The following NLGN4X variants were observed in gnomAD, a reference collection of about 807,000 sequenced individuals.
The protein encoded by NLGN4X is neuroligin 4 X-linked, also known as neuroligin-4, X-linked.
Under a neutral mutation model 40.3 loss-of-function variants are expected in NLGN4X, and 3 were observed. The observed-to-expected ratio is 0.07, with a 90% CI of 0.03 to 0.19. The LOEUF is 0.19. NLGN4X is among the 10% of genes least tolerant of loss of function. The pLI is 1.00. For missense variants in NLGN4X, 382 were observed against 708.3 expected (o/e 0.54, Z 5.23); for synonymous variants, 270 against 306.8 (o/e 0.88, Z 1.25).
rs751178982 is a variant in NLGN4X at position 5,892,779 on chromosome X, G to A, written c.*38C>T. The A allele has an allele frequency of 1.0e-5, 12 of 1,200,439 alleles. No homozygotes were observed. Among genetic ancestry groups the A allele is most frequent in the African/African-American group, 8.8e-5 (5 of 56,636 alleles). ...CCTTCCCTCTTCTATGTTGCTGAGC[G>A]GGTAGGGCAGAGGGATAGGAAGGGA... On this transcript the variant is annotated 3_prime_UTR_variant, in exon 6 of 6. Coordinates refer to ENST00000381095, the MANE Select transcript of NLGN4X (RefSeq NM_181332.3).
chrX:5,890,606 G>C lies in NLGN4X; in HGVS notation c.*2211C>G. ...CAGAGAGCCTATTTGTGGTTGCTCA[G>C]GTGGGGTCATACATTGCTTGCAGAA... On this transcript the variant is annotated 3_prime_UTR_variant, in exon 6 of 6. Coordinates refer to ENST00000381095, the MANE Select transcript of NLGN4X (RefSeq NM_181332.3). 1 of 328,170 alleles carries C rather than the reference G, an allele frequency of 3.0e-6. No homozygotes were observed. Among genetic ancestry groups the C allele is most frequent in the South Asian group, 2.6e-5 (1 of 38,146 alleles). 27.0% of individuals were successfully genotyped at this position (328,170 alleles called of 1,213,427 possible). A position where few individuals can be genotyped will look rare whatever the true frequency, so the allele number is the denominator to read the frequency against.
intron 2 of NLGN4X, among the ~76,000 whole-genome samples, chrX:6,092,086 C>T (rs1057296094): frequency 9.8e-6 from 1 of 101,735 alleles, no homozygotes; most frequent in Non-Finnish European, 2.0e-5. Context: ...CCACTCCTAT[C>T]ATCAGCAGGT....
intron 2 of NLGN4X, among the ~76,000 whole-genome samples, chrX:6,140,448 TCACACACAGACACACA>T (rs2039921182): frequency 1.4e-5 from 1 of 70,115 alleles, no homozygotes; most frequent in South Asian, 6.7e-4. Flanking sequence ...TCAATAGCAT[TCACACACAGACACACA>T]CACACACACA....
intron 2 of NLGN4X, among the ~76,000 whole-genome samples, chrX:6,072,802 T>C (rs756006547): frequency 9.0e-6 from 1 of 111,047 alleles, no homozygotes; most frequent in Non-Finnish European, 1.9e-5. Context: ...AGCACCTAAC[T>C]AGAATCTCCA....
intron 3 of NLGN4X, among the ~76,000 whole-genome samples, chrX:6,016,537 C>T (rs1259108619): frequency 8.9e-6 from 1 of 111,787 alleles, no homozygotes; most frequent in African/African-American, 3.3e-5. Flanking sequence ...AAATGGTACA[C>T]CTATTTTGGA....
In NLGN4X at chrX:6,218,832, G is replaced by A. The variant is rs1444995102; in HGVS notation, c.-306+9709C>T. ...TAAAACTCATTACAAAGAACCCTAA[G>A]TTATCCGTCACAGCTGCTAAACCCA... On this transcript the variant is annotated intron_variant, in intron 1 of 5. Transcript: ENST00000381095. Among the ~76,000 whole-genome samples the A allele has an allele frequency of 4.5e-5, 5 of 111,195 alleles. No homozygotes were observed. The East Asian group carries it at 1.4e-3, about 31-fold the overall frequency.
intron 3 of NLGN4X, among the ~76,000 whole-genome samples, chrX:6,007,295 G>C (rs2036126993): frequency 9.0e-6 from 1 of 110,875 alleles, no homozygotes; most frequent in South Asian, 3.9e-4. Context: ...TAGAATAATA[G>C]ACACTGGAGA....
chrX:6,153,423 C>T (rs1376769688), intron 1 of NLGN4X, among the ~76,000 whole-genome samples: 2 of 111,857 alleles, frequency 1.8e-5, no homozygotes, highest in Non-Finnish European at 3.8e-5. Flanking sequence ...CTACTGTAGA[C>T]AACATTTGGA....
At chrX:6,222,939 T>C (rs1925839944) in intron 1 of NLGN4X, among the ~76,000 whole-genome samples, 2 of 111,925 alleles carry the variant, frequency 1.8e-5, no homozygotes, top group Non-Finnish European at 3.8e-5. Flanking sequence ...GTAAGTTTCC[T>C]GAGGCCTCTC....
intron 2 of NLGN4X, among the ~76,000 whole-genome samples, chrX:6,110,693 A>C (rs982342844): frequency 9.0e-6 from 1 of 111,728 alleles, no homozygotes; most frequent in Non-Finnish European, 1.9e-5. Context: ...AAGAGAAAGA[A>C]ATGCAGTTGC....
rs2032352453 is a variant in NLGN4X at position 5,909,130 on chromosome X, G to A, written c.735C>T (p.Pro245=). ...EENVGAFGGD[P]KRVTIFGSGA... ...CCGAGCCAAAGATGGTCACTCTCTT[G>A]GGGTCCCCGCCAAAGGCTCCCACAT... Residue 245 remains proline, a synonymous_variant, in exon 4 of 6, where the codon CCC becomes CCT. Transcript: ENST00000381095. 8.3e-7 allele frequency: 1 copy of A among 1,211,339 alleles called. No individual in the cohort carries two copies. Among genetic ancestry groups the A allele is most frequent in the East Asian group, 3.0e-5 (1 of 33,787 alleles).
At chrX:6,027,575 T>G (rs1316971989) in intron 3 of NLGN4X, among the ~76,000 whole-genome samples, 1 of 110,338 alleles carries the variant, frequency 9.1e-6, no homozygotes, top group Non-Finnish European at 1.9e-5. Context: ...CTCTTAGGGT[T>G]TCTTACAACA....
At chrX:6,207,339 A>T (rs1429681012) in intron 1 of NLGN4X, among the ~76,000 whole-genome samples, 1 of 112,337 alleles carries the variant, frequency 8.9e-6, no homozygotes, top group Middle Eastern at 4.2e-3. Flanking sequence ...AATAATGTAT[A>T]ATAAGTTAAC....
At chrX:6,024,233 G>A (rs1170362423) in intron 3 of NLGN4X, among the ~76,000 whole-genome samples, 1 of 111,287 alleles carries the variant, frequency 9.0e-6, no homozygotes, top group Non-Finnish European at 1.9e-5. Flanking sequence ...GGGTGATAGG[G>A]CATAGGTACT....
chrX:6,061,332 T>C (rs1416448208), intron 2 of NLGN4X, among the ~76,000 whole-genome samples: 1 of 110,601 alleles, frequency 9.0e-6, no homozygotes, highest in Admixed American at 9.7e-5. Flanking sequence ...TACACTGTAC[T>C]GATTGATAAC....
At chrX:5,899,706 A>AT (rs1194376539) in intron 5 of NLGN4X, among the ~76,000 whole-genome samples, 5 of 64,168 alleles carry the variant, frequency 7.8e-5, no homozygotes, top group African/African-American at 1.8e-4. Flanking sequence ...TTTTTTTTTT[A>AT]TTTTTTTTTA....
chrX:6,197,837 G>A (rs1026919574), intron 1 of NLGN4X, among the ~76,000 whole-genome samples: 3 of 110,273 alleles, frequency 2.7e-5, no homozygotes, highest in African/African-American at 9.9e-5. Context: ...GCTGAGGAGG[G>A]AGGATTGCTT....
intron 2 of NLGN4X, among the ~76,000 whole-genome samples, chrX:6,125,458 A>ATAATATAAACAATATACAACAAG (rs2039521070): frequency 8.9e-6 from 1 of 111,895 alleles, no homozygotes; most frequent in Non-Finnish European, 1.9e-5. Context: ...TATACAACAA[A>ATAATATAAACAATATACAACAAG]TAATATACAA....
intron 3 of NLGN4X, among the ~76,000 whole-genome samples, chrX:5,942,365 C>T (rs2033976192): frequency 8.9e-6 from 1 of 111,772 alleles, no homozygotes; most frequent in African/African-American, 3.3e-5. Context: ...ACTATGTGCA[C>T]TACCATCTGA....
Sources: allele counts gnomAD v4.1 joint callset (sites outside exome capture counted in the v4.1 genomes callset), GRCh38; gene constraint gnomAD v4.1.1; transcripts MANE v1.5; gene names NCBI Gene and HGNC (gene_info 2026-07-23, HGNC 2026-07-21).